AVPI1: variants seen among roughly 807,000 people sequenced by gnomAD.
AVPI1 encodes the protein arginine vasopressin-induced protein 1.
A neutral mutation model predicts 11.9 loss-of-function variants in AVPI1; 9 were observed. That is an observed-to-expected ratio of 0.76 (90% CI 0.46 to 1.32). AVPI1 has a LOEUF of 1.32. Ranked by LOEUF, AVPI1 falls within the 40% of genes most tolerant of loss-of-function variation. The pLI is 0.00. For missense variants in AVPI1, 207 were observed against 195.8 expected (o/e 1.06, Z -0.34); for synonymous variants, 68 against 78.1 (o/e 0.87, Z 0.68).
intron 2 of AVPI1, among the ~76,000 whole-genome samples, chr10:97,678,922 T>G (rs2041683645): frequency 1.2e-4 from 2 of 17,280 alleles, no homozygotes; most frequent in East Asian, 1.0e-3. Context: ...TGTGTGTGTG[T>G]GTGTGTGTGT....
chr10:97,684,337 C>T (rs1251726989), intron 1 of AVPI1, among the ~76,000 whole-genome samples: 1 of 152,052 alleles, frequency 6.6e-6, no homozygotes, highest in African/African-American at 2.4e-5. Flanking sequence ...ACAACCTCTC[C>T]CAGGATGGCA....
intron 2 of AVPI1, among the ~76,000 whole-genome samples, chr10:97,678,860 CTTTTTTTTGGCGGGGGGAGG>C (rs2041680809): frequency 7.1e-6 from 1 of 141,536 alleles, no homozygotes; most frequent in African/African-American, 2.7e-5. Context: ...GCTAATTTCT[CTTTTTTTTGGCGGGGGGAGG>C]GTGTGTGTGT....
At chr10:97,679,151 T>TC in intron 2 of AVPI1, among the ~76,000 whole-genome samples, 1 of 148,274 alleles carries the variant, frequency 6.7e-6, no homozygotes, top group Non-Finnish European at 1.5e-5. Flanking sequence ...CTTTTTTTTT[T>TC]TTTTTTTGAG....
rs1225083682 is a variant in AVPI1, at chr10:97,678,966, T to TCA, written c.287+652_287+653insTG. Among the ~76,000 whole-genome samples, 3 of 72,638 alleles carry TCA rather than the reference T, an allele frequency of 4.1e-5. 1 individual carries two copies. Among genetic ancestry groups the TCA allele is most frequent in the South Asian group, 1.1e-3 (2 of 1,802 alleles). 47.7% of individuals were successfully genotyped at this position (72,638 alleles called of 152,430 possible). On this transcript the variant is annotated intron_variant, in intron 2 of 2. Transcript: ENST00000370626. ...GTGTGTGTGTGTGTGTGTGTGTGTG[T>TCA]GTGTGTGTGTGTGTGTGTGTGTGTG...
chr10:97,681,131 C>T (rs2041701134), intron 1 of AVPI1, among the ~76,000 whole-genome samples: 1 of 152,216 alleles, frequency 6.6e-6, no homozygotes, highest in Non-Finnish European at 1.5e-5. Flanking sequence ...TACCCAACCT[C>T]GTCTCTGAGC....
chr10:97,678,922 TGTGTGTGTGTGTGTGTGTG>T (rs1564779833), intron 2 of AVPI1, among the ~76,000 whole-genome samples: 185 of 17,268 alleles, frequency 0.011, 23 homozygotes, highest in Admixed American at 0.049. Flanking sequence ...TGTGTGTGTG[TGTGTGTGTGTGTGTGTGTG>T]TGTGTGTGTG....
chr10:97,683,511 A>T (rs1235133892), intron 1 of AVPI1, among the ~76,000 whole-genome samples: 2 of 152,212 alleles, frequency 1.3e-5, no homozygotes, highest in African/African-American at 4.8e-5. Context: ...AGCTTAAAGA[A>T]CACTTCACAT....
At chr10:97,683,799 G>C (rs1274255603) in intron 1 of AVPI1, among the ~76,000 whole-genome samples, 1 of 152,232 alleles carries the variant, frequency 6.6e-6, no homozygotes, top group Non-Finnish European at 1.5e-5. Context: ...AGAGGAGTCG[G>C]TTCAAGCCCT....
intron 1 of AVPI1, among the ~76,000 whole-genome samples, chr10:97,684,025 T>TCTGG (rs1395940283): frequency 1.3e-5 from 2 of 152,190 alleles, no homozygotes; most frequent in Non-Finnish European, 2.9e-5. Flanking sequence ...TGTGGACAGG[T>TCTGG]CTGGCTAACT....
intron 2 of AVPI1, among the ~76,000 whole-genome samples, chr10:97,678,623 T>C (rs2041678817): frequency 6.6e-6 from 1 of 151,174 alleles, no homozygotes; most frequent in African/African-American, 2.4e-5. Context: ...CCATAATGCC[T>C]CGACAGTACA....
At chr10:97,681,673 A>C (rs56212613) in intron 1 of AVPI1, among the ~76,000 whole-genome samples, 23,501 of 149,456 alleles carry the variant, frequency 0.16, 2,089 homozygotes, top group Non-Finnish European at 0.2. Context: ...GTCAGGAGAT[A>C]GAGACCATCC....
Position 97,679,611 on chromosome 10 carries a change from G to T in AVPI1, c.287+8C>A. 6.2e-7 allele frequency: 1 copy of T among 1,605,562 alleles called. No individual in the cohort carries two copies. The highest frequency in any genetic ancestry group is 1.1e-5 in the South Asian group (1 of 90,076). Reference sequence around the variant, plus strand: ...TCTTCCCTCAGCCATCCGGTTCTAGGAACCTACCTGAGGCGGCTGCAGTGG... The same window carrying T: ...TCTTCCCTCAGCCATCCGGTTCTAGTAACCTACCTGAGGCGGCTGCAGTGG... On this transcript the variant is annotated splice_region_variant and intron_variant, in intron 2 of 2. Coordinates refer to ENST00000370626, the MANE Select transcript of AVPI1 (RefSeq NM_021732.3).
At chr10:97,680,073 C>T (rs1293361873) in intron 1 of AVPI1, among the ~76,000 whole-genome samples, 158 bp from the exon 2 acceptor site, 3 of 152,194 alleles carry the variant, frequency 2.0e-5, no homozygotes, top group Non-Finnish European at 4.4e-5. Flanking sequence ...ATGTGTCAGA[C>T]CCCCATATTA....
At chr10:97,684,695 T>C (rs902022603) in intron 1 of AVPI1, among the ~76,000 whole-genome samples, 1 of 152,100 alleles carries the variant, frequency 6.6e-6, no homozygotes. Flanking sequence ...AGACAAGGTT[T>C]CACCATGTTG....
At chr10:97,678,985 G>C (rs977369614) in intron 2 of AVPI1, among the ~76,000 whole-genome samples, 13 of 132,818 alleles carry the variant, frequency 9.8e-5, no homozygotes, top group Non-Finnish European at 1.9e-4. Context: ...GTGTGTGTGT[G>C]TGTGTGTGTG....
intron 2 of AVPI1, 36 bp from the exon 3 acceptor site, chr10:97,678,061 T>C (rs372531998): frequency 2.1e-5 from 33 of 1,596,700 alleles, no homozygotes; most frequent in Non-Finnish European, 2.3e-5. Flanking sequence ...CCAACATCAA[T>C]AGGAAGAATG....
Position 97,679,689 on chromosome 10 carries a change from T to C in AVPI1, c.217A>G (p.Arg73Gly). ...GDHRVAEALK[R>G]LRRKRPPRQK... ...CTTGGGGGCCTCTTCCTGCGCAGCC[T>C]CTTGAGGGCCTCAGCCACACGGTGG... The change falls in exon 2 of 3, where the codon AGG (arginine) becomes GGG (glycine). Residue 73 changes from arginine to glycine, a missense_variant. Transcript: ENST00000370626. 6.2e-7 allele frequency: 1 copy of C among 1,614,118 alleles called. No homozygotes were observed. Among genetic ancestry groups the C allele is most frequent in the Non-Finnish European group, 8.5e-7 (1 of 1,180,012 alleles).
At chr10:97,679,010 C>G (rs2041687014) in intron 2 of AVPI1, among the ~76,000 whole-genome samples, 1 of 138,322 alleles carries the variant, frequency 7.2e-6, no homozygotes, top group Non-Finnish European at 1.5e-5. Context: ...TTTTCAGAGA[C>G]AGGATCTCGC....
At position 97,677,675 on chromosome 10, in the gene AVPI1, G is replaced by T; in HGVS notation, c.*194C>A. 1.7e-6 allele frequency: 1 copy of T among 593,602 alleles called. No individual in the cohort carries two copies. The highest frequency in any genetic ancestry group is 2.9e-6 in the Non-Finnish European group (1 of 343,024). 36.8% of individuals were successfully genotyped at this position (593,602 alleles called of 1,614,324 possible). A position where few individuals can be genotyped will look rare whatever the true frequency, so the allele number is the denominator to read the frequency against. On this transcript the variant is annotated 3_prime_UTR_variant, in exon 3 of 3. Transcript: ENST00000370626. ...ACAGTCACTGTCTCTCCTCATTTTG[G>T]TGAGGAATGGGTCCCACATAATGGA...
Sources: allele counts gnomAD v4.1 joint callset (sites outside exome capture counted in the v4.1 genomes callset), GRCh38; gene constraint gnomAD v4.1.1; transcripts MANE v1.5; gene names NCBI Gene and HGNC (gene_info 2026-07-23, HGNC 2026-07-21).